Variants in CDH23 observed in about 807,000 individuals in gnomAD.
CDH23 encodes cadherin-23.
In CDH23, 189 loss-of-function variants were observed where a neutral mutation model predicts 317.1. The observed-to-expected ratio is 0.60, with a 90% CI of 0.53 to 0.67. The LOEUF (loss-of-function observed/expected upper bound fraction) is 0.67, where lower values mean the gene tolerates loss of function less well. Ranked by LOEUF, CDH23 falls within the 30% of genes least tolerant of loss-of-function variation. The pLI, the probability that CDH23 is intolerant of heterozygous loss-of-function variation, is 0.00. For synonymous variants in CDH23, 1,839 were observed against 1,876.8 expected (o/e 0.98, Z 0.52); for missense variants, 4,401 against 4,592.4 (o/e 0.96, Z 1.20).
intron 3 of CDH23, among the ~76,000 whole-genome samples, chr10:71,491,629 C>T (rs1010372915): frequency 6.6e-6 from 1 of 152,156 alleles, no homozygotes; most frequent in African/African-American, 2.4e-5. Context: ...ACACTTTAAT[C>T]CTCTGAGGTT....
chr10:71,519,136 G>A (rs1201989914), intron 6 of CDH23, among the ~76,000 whole-genome samples: 2 of 152,300 alleles, frequency 1.3e-5, no homozygotes, highest in South Asian at 2.1e-4. Context: ...CAATGATTGC[G>A]GGACCCTCTG....
intron 14 of CDH23, among the ~76,000 whole-genome samples, chr10:71,653,802 A>G (rs1863290433): frequency 2.0e-5 from 3 of 152,232 alleles, no homozygotes; most frequent in Admixed American, 2.0e-4. Flanking sequence ...TGCTGTAGAG[A>G]GAATAATAAT....
chr10:71,681,540 T>A (rs568117724), intron 17 of CDH23, among the ~76,000 whole-genome samples: 2 of 152,298 alleles, frequency 1.3e-5, no homozygotes, highest in African/African-American at 4.8e-5. Flanking sequence ...CTGCAGCACC[T>A]AACCCCGAGT....
At chr10:71,638,141 G>A (rs1862364112) in intron 11 of CDH23, among the ~76,000 whole-genome samples, 1 of 152,154 alleles carries the variant, frequency 6.6e-6, no homozygotes. Flanking sequence ...TGTGAGATGT[G>A]CTTACCCTCC....
chr10:71,623,237 T>C (rs1861552777), intron 11 of CDH23, among the ~76,000 whole-genome samples: 1 of 152,206 alleles, frequency 6.6e-6, no homozygotes, highest in Admixed American at 6.5e-5. Flanking sequence ...AGAAAGGTGC[T>C]GTTGGAGCTG....
chr10:71,786,114 G>T (rs1228479009), intron 44 of CDH23, among the ~76,000 whole-genome samples: 3 of 152,214 alleles, frequency 2.0e-5, no homozygotes, highest in Non-Finnish European at 4.4e-5. Context: ...TTGTGCATGG[G>T]GCACATGGGC....
chr10:71,420,625 C>T (rs1020679675), intron 1 of CDH23, among the ~76,000 whole-genome samples: 3 of 149,510 alleles, frequency 2.0e-5, no homozygotes, highest in Non-Finnish European at 4.4e-5. Flanking sequence ...AATAATAGCA[C>T]TTATTGGGAA....
chr10:71,759,898 C>CATACATACAT lies in CDH23; in HGVS notation c.4846-17779_4846-17778insCATACATATA, dbSNP rs1840268742. Reference sequence around the variant, plus strand: ...ACACACACACACATATACACACACACATATATACACACACACATATATACA... The same window carrying CATACATACAT: ...ACACACACACACATATACACACACACATACATACATATATATACACACACACATATATACA... On this transcript the variant is annotated intron_variant, in intron 38 of 69. Coordinates refer to ENST00000224721, the MANE Select transcript of CDH23 (RefSeq NM_022124.6). Among the ~76,000 whole-genome samples, 7 of 50,656 alleles carry CATACATACAT rather than the reference C, an allele frequency of 1.4e-4. 1 individual carries two copies. The highest frequency in any genetic ancestry group is 3.5e-4 in the Non-Finnish European group (7 of 20,212). The allele number at this position is 50,656 out of a possible 152,430, so 33.2% of individuals were successfully genotyped here.
chr10:71,795,986 G>A, intron 48 of CDH23: 1 of 985,908 alleles, frequency 1.0e-6, no homozygotes, highest in Admixed American at 6.1e-5. Flanking sequence ...CAGACTGAAT[G>A]CAGCCGCCCT....
chr10:71,736,120 A>G (rs1231108361), intron 34 of CDH23, among the ~76,000 whole-genome samples: 2 of 152,230 alleles, frequency 1.3e-5, no homozygotes, highest in Non-Finnish European at 2.9e-5. Flanking sequence ...CCACTTCCTC[A>G]GCACGGCTGT....
chr10:71,791,721 G>A (rs9415050), intron 47 of CDH23, among the ~76,000 whole-genome samples: 8,317 of 151,708 alleles, frequency 0.055, 273 homozygotes, highest in Middle Eastern at 0.092. Context: ...GATTACAGGC[G>A]CCCACCACCA....
intron 11 of CDH23, among the ~76,000 whole-genome samples, chr10:71,631,998 A>G (rs1462759664): frequency 6.6e-6 from 1 of 152,210 alleles, no homozygotes; most frequent in Non-Finnish European, 1.5e-5. Flanking sequence ...GTCCCTGTAA[A>G]GAGACGGGAC....
At chr10:71,678,235 G>A (rs1004881800) in intron 16 of CDH23, among the ~76,000 whole-genome samples, 7 of 151,968 alleles carry the variant, frequency 4.6e-5, no homozygotes, top group East Asian at 1.9e-4. Flanking sequence ...GCCCTTTAAC[G>A]ACTGACTAGA....
At chr10:71,640,103 T>C (rs61851981) in intron 11 of CDH23, among the ~76,000 whole-genome samples, 5,985 of 152,192 alleles carry the variant, frequency 0.039, 190 homozygotes, top group Non-Finnish European at 0.059. Flanking sequence ...CCTAAAGGGG[T>C]CAGGAAGCTG....
chr10:71,774,397 C>T (rs1840768577), intron 38 of CDH23, among the ~76,000 whole-genome samples: 2 of 152,214 alleles, frequency 1.3e-5, no homozygotes, highest in African/African-American at 2.4e-5. Context: ...CTCAAGTCCT[C>T]CCACTTCACG....
chr10:71,592,737 G>A (rs1321651188), intron 9 of CDH23, among the ~76,000 whole-genome samples: 1 of 152,154 alleles, frequency 6.6e-6, no homozygotes, highest in Non-Finnish European at 1.5e-5. Flanking sequence ...TAAGTAGCAT[G>A]CAGAGCTTGC....
Position 71,716,314 on chromosome 10 carries a change from G to A in CDH23, c.3369+3501G>A, listed in dbSNP as rs185838726. 1.9e-4 allele frequency: 278 copies of A among 1,501,686 alleles called. 2 individuals carry two copies. The Middle Eastern group carries it at 2.2e-3, about 12-fold the overall frequency. The allele number at this position is 1,501,686 out of a possible 1,614,324, so 93.0% of individuals were successfully genotyped here. A position where few individuals can be genotyped will look rare whatever the true frequency, so the allele number is the denominator to read the frequency against. ...GGGGGCTGATGGCTGGGGAGCTGGC[G>A]AGGCTGGGGCCCTCTGTGCTCATGG... On this transcript the variant is annotated intron_variant, in intron 28 of 69. Coordinates refer to ENST00000224721, the MANE Select transcript of CDH23 (RefSeq NM_022124.6).
In CDH23 at chr10:71,712,658, C is replaced by T. The variant is rs776427467; in HGVS notation, c.3221-7C>T. 4.3e-6 allele frequency: 7 copies of T among 1,612,890 alleles called. No homozygotes were observed. The East Asian group carries it at 1.1e-4, about 26-fold the overall frequency. On this transcript the variant is annotated splice_region_variant and splice_polypyrimidine_tract_variant and intron_variant, in intron 27 of 69. Coordinates refer to ENST00000224721, the MANE Select transcript of CDH23 (RefSeq NM_022124.6). ...TGCTAACACCTGTCTTCCTTCAACT[C>T]CCACAGACAACGGCCCTGTAGGGAA...
rs1396705267 is a variant in CDH23 at position 71,422,909 on chromosome 10, A to G, written c.-5-16918A>G. ...ATTTCCTGGGCAACTTCACTGGGGG[A>G]GGGCAGAGCAGAGGGGCAAAGCCTT... On this transcript the variant is annotated intron_variant, in intron 1 of 69. Transcript: ENST00000224721. 2.0e-5 allele frequency among the ~76,000 whole-genome samples: 3 copies of G among 152,174 alleles called. No homozygotes were observed. In the East Asian group the frequency reaches 5.8e-4, roughly 29 times the overall value.
Sources: gnomAD v4.1 joint callset for allele counts (sites outside exome capture counted in the v4.1 genomes callset) on GRCh38, gnomAD v4.1.1 for gene constraint, MANE v1.5 for transcripts, NCBI Gene and HGNC (gene_info 2026-07-23, HGNC 2026-07-21) for gene names.